SDR16C5: variants seen among roughly 807,000 people sequenced by gnomAD.
SDR16C5 encodes the protein short chain dehydrogenase/reductase family 16C member 5.
SDR16C5 carries 20 observed loss-of-function variants against 27.7 expected under a neutral mutation model. The ratio of observed to expected loss-of-function variants is 0.72; its 90% CI spans 0.51 to 1.05. SDR16C5 has a LOEUF of 1.05. Ranked by LOEUF, SDR16C5 falls within the 50% of genes least tolerant of loss-of-function variation. The probability of loss-of-function intolerance (pLI) is 0.00; values close to 1 mark genes in which losing one functional copy is unlikely to be tolerated. For missense variants in SDR16C5, 374 were observed against 366.3 expected (o/e 1.02, Z -0.17); for synonymous variants, 139 against 132.3 (o/e 1.05, Z -0.35).
intron 1 of SDR16C5, among the ~76,000 whole-genome samples, chr8:56,318,365 G>A (rs1416378789): frequency 6.6e-6 from 1 of 152,152 alleles, no homozygotes; most frequent in Admixed American, 6.5e-5. Context: ...AGGCCTCTCA[G>A]GCACTGCAGA....
chr8:56,306,836 C>T lies in SDR16C5; in HGVS notation c.566-16G>A. 6.2e-7 allele frequency: 1 copy of T among 1,605,496 alleles called. No individual in the cohort carries two copies. Among genetic ancestry groups the T allele is most frequent in the Non-Finnish European group, 8.5e-7 (1 of 1,177,476 alleles). On this transcript the variant is annotated splice_polypyrimidine_tract_variant and intron_variant, in intron 4 of 6. Coordinates refer to ENST00000303749, the MANE Select transcript of SDR16C5 (RefSeq NM_138969.4). The stretch of plus-strand genomic sequence containing the variant: ...GCACAGTAATCTGAAAAAGACAAAG[C>T]ATGATAACGTATATTCCAAAGTTTT...
intron 3 of SDR16C5, 40 bp downstream of exon 3, chr8:56,312,117 G>A (rs138991100): frequency 6.5e-7 from 1 of 1,544,416 alleles, no homozygotes; most frequent in African/African-American, 1.4e-5. Context: ...CCAAATGCCA[G>A]AATAATTTTA....
intron 1 of SDR16C5, among the ~76,000 whole-genome samples, chr8:56,317,162 G>T (rs966338188): frequency 3.3e-5 from 5 of 152,102 alleles, no homozygotes; most frequent in African/African-American, 4.8e-5. Context: ...TGGTCCCGTG[G>T]CATAGGGTGT....
At chr8:56,315,233 G>A (rs1273554129) in intron 2 of SDR16C5, among the ~76,000 whole-genome samples, 1 of 141,186 alleles carries the variant, frequency 7.1e-6, no homozygotes, top group African/African-American at 2.6e-5. Flanking sequence ...CAACAAGAGT[G>A]AAACTCCATC....
intron 4 of SDR16C5, among the ~76,000 whole-genome samples, chr8:56,307,094 T>C (rs771740957): frequency 2.6e-5 from 4 of 152,196 alleles, no homozygotes; most frequent in Non-Finnish European, 5.9e-5. Flanking sequence ...GGACTTTACT[T>C]ACAAGTAAAT....
chr8:56,315,189 G>A (rs1815159035), intron 2 of SDR16C5, among the ~76,000 whole-genome samples: 2 of 151,424 alleles, frequency 1.3e-5, no homozygotes. Context: ...AGGTTGTGGT[G>A]AGCCGAGATG....
At chr8:56,306,880 G>A (rs1291657031) in intron 4 of SDR16C5, 60 bp from the exon 5 acceptor site, 3 of 1,462,740 alleles carry the variant, frequency 2.1e-6, no homozygotes, top group Non-Finnish European at 2.8e-6. Flanking sequence ...ATTACATTAA[G>A]GTTTACCCAT....
At chr8:56,308,795 C>A in intron 4 of SDR16C5, 133 bp downstream of exon 4, 1 of 577,914 alleles carries the variant, frequency 1.7e-6, no homozygotes, top group Non-Finnish European at 3.0e-6. Context: ...AGTTATCAAC[C>A]ACTTATTGAC....
At chr8:56,307,987 A>ATTT (rs1814929235) in intron 4 of SDR16C5, among the ~76,000 whole-genome samples, 1 of 152,182 alleles carries the variant, frequency 6.6e-6, no homozygotes, top group Non-Finnish European at 1.5e-5. Context: ...GTGACAACAG[A>ATTT]TATATAAGAG....
In SDR16C5 at chr8:56,306,413, G is replaced by C. The variant is rs541060414; in HGVS notation, c.710+263C>G. ...GAATGGGATTGGATGGCAGGAAGGGGATGTGGCCCTGAGAGTCTGGGAAAT... is the reference window on the plus strand; with the variant it reads ...GAATGGGATTGGATGGCAGGAAGGGCATGTGGCCCTGAGAGTCTGGGAAAT... On this transcript the variant is annotated intron_variant, in intron 5 of 6. Coordinates refer to ENST00000303749, the MANE Select transcript of SDR16C5 (RefSeq NM_138969.4). 1.1e-4 allele frequency among the ~76,000 whole-genome samples: 16 copies of C among 152,300 alleles called. No homozygotes were observed. The South Asian group carries it at 1.9e-3, about 18-fold the overall frequency.
intron 2 of SDR16C5, among the ~76,000 whole-genome samples, chr8:56,313,739 T>G (rs1353805787): frequency 6.6e-6 from 1 of 152,208 alleles, no homozygotes; most frequent in Non-Finnish European, 1.5e-5. Flanking sequence ...TGTCCTGTTT[T>G]CATCAACTGG....
chr8:56,309,781 C>T (rs1267345682), intron 3 of SDR16C5, among the ~76,000 whole-genome samples: 2 of 152,074 alleles, frequency 1.3e-5, no homozygotes, highest in Non-Finnish European at 2.9e-5. Context: ...GAAATCAAAA[C>T]AAAGCAAAAG....
In SDR16C5 at chr8:56,308,982, G is replaced by A; in HGVS notation, c.511C>T (p.His171Tyr). 4 of 1,612,692 alleles carry A rather than the reference G, an allele frequency of 2.5e-6. No homozygotes were observed. The highest frequency in any genetic ancestry group is 2.2e-5 in the South Asian group (2 of 90,692). ...LPAMIANDHGHLVCISSSAGL... is the reference protein window; with the variant it reads ...LPAMIANDHGYLVCISSSAGL... The stretch of plus-strand genomic sequence containing the variant: ...GCTGAACTTGAAATGCAAACCAAAT[G>A]TCCATGGTCATTAGCAATCATAGCA... Residue 171 changes from histidine (H) to tyrosine (Y), a missense_variant, in exon 4 of 7, where the codon CAT becomes TAT. Physicochemically the swap from His to Tyr is moderately conservative, Grantham distance 83. Transcript: ENST00000303749.
In SDR16C5 at chr8:56,320,044, AC is replaced by A. The variant is rs1316577604; in HGVS notation, c.-15+14del. ...CGGGAGCCAGCACCCAGGACCGACG[AC>A]CTCGGCAACTTACCCAGGACACTCT... On this transcript the variant is annotated intron_variant, in intron 1 of 6. Coordinates refer to ENST00000303749, the MANE Select transcript of SDR16C5 (RefSeq NM_138969.4). The A allele has an allele frequency of 6.6e-6, 1 of 152,420 alleles. No individual in the cohort carries two copies. The highest frequency in any genetic ancestry group is 1.5e-5 in the Non-Finnish European group (1 of 68,322). 9.4% of individuals were successfully genotyped at this position (152,420 alleles called of 1,614,324 possible). A position where few individuals can be genotyped will look rare whatever the true frequency, so the allele number is the denominator to read the frequency against.
rs1259933015 is a variant in SDR16C5 at position 56,316,427 on chromosome 8, G to A, written c.-14-66C>T. ...ATTTCCTCTGAGTTGTTTACTCCAC[G>A]GAGCTCCTATTTTCTGAAACAGTGA... On this transcript the variant is annotated intron_variant, in intron 1 of 6. Coordinates refer to ENST00000303749, the MANE Select transcript of SDR16C5 (RefSeq NM_138969.4). 3.9e-5 allele frequency: 38 copies of A among 985,362 alleles called. No homozygotes were observed. The East Asian group carries it at 3.9e-4, about 10-fold the overall frequency. The allele number at this position is 985,362 out of a possible 1,614,324, so 61.0% of individuals were successfully genotyped here.
rs748503570 is a variant in SDR16C5 at position 56,306,662 on chromosome 8, A to G, written c.710+14T>C. 18 of 1,563,860 alleles carry G rather than the reference A, an allele frequency of 1.2e-5. No individual in the cohort carries two copies. Among genetic ancestry groups the G allele is most frequent in the Non-Finnish European group, 1.5e-5 (17 of 1,159,486 alleles). On this transcript the variant is annotated intron_variant, in intron 5 of 6. Transcript: ENST00000303749. Reference sequence around the variant, plus strand: ...TAAGAGTGTAGATTCTTTGAAATTAAAGGACATACTTACCCTGTAGTACAA... The same window carrying G: ...TAAGAGTGTAGATTCTTTGAAATTAGAGGACATACTTACCCTGTAGTACAA...
At position 56,316,036 on chromosome 8, in the gene SDR16C5, T is replaced by G. The variant is rs892267429; in HGVS notation, c.312A>C (p.Gly104=). ...TTACCTGGTCGGCTACTCTATACAC[T>G]CCTTCCTTTTGGCTGCAATCGCAGG... is the stretch of plus-strand genomic sequence containing the variant. ...AYTCDCSQKE[G]VYRVADQVKK... is the part of the protein sequence containing the mutation. The change falls in exon 2 of 7, where the codon GGA becomes GGC. Residue 104 remains glycine, a synonymous_variant. Coordinates refer to ENST00000303749, the MANE Select transcript of SDR16C5 (RefSeq NM_138969.4). The G allele has an allele frequency of 1.9e-6, 3 of 1,613,684 alleles. No individual in the cohort carries two copies. Among genetic ancestry groups the G allele is most frequent in the Non-Finnish European group, 2.5e-6 (3 of 1,179,594 alleles).
intron 2 of SDR16C5, among the ~76,000 whole-genome samples, 177 bp downstream of exon 2, chr8:56,315,838 T>C (rs1815178412): frequency 6.6e-6 from 1 of 152,176 alleles, no homozygotes; most frequent in Admixed American, 6.5e-5. Context: ...AATACATACA[T>C]GGTAGTTAGT....
At chr8:56,309,360 A>C in intron 3 of SDR16C5, 2 of 985,294 alleles carry the variant, frequency 2.0e-6, no homozygotes, top group Non-Finnish European at 2.4e-6. Flanking sequence ...CCTCACAAAC[A>C]TGATGCTTTA....
Sources: allele counts gnomAD v4.1 joint callset (sites outside exome capture counted in the v4.1 genomes callset), GRCh38; gene constraint gnomAD v4.1.1; transcripts MANE v1.5; gene names NCBI Gene and HGNC (gene_info 2026-07-23, HGNC 2026-07-21).